The following NKAIN2 variants were observed in gnomAD, a reference collection of about 807,000 sequenced individuals.
NKAIN2 encodes sodium/potassium-transporting ATPase subunit beta-1-interacting protein 2.
Under a neutral mutation model 32.6 loss-of-function variants are expected in NKAIN2, and 14 were observed. The observed-to-expected ratio is 0.43, with a 90% CI of 0.28 to 0.67. The LOEUF (loss-of-function observed/expected upper bound fraction) is 0.67, where lower values mean the gene tolerates loss of function less well. NKAIN2 is among the 30% of genes least tolerant of loss of function. The pLI is 0.17. For synonymous variants in NKAIN2, 80 were observed against 87.2 expected, an observed-to-expected ratio of 0.92 and a Z score of 0.46; for missense variants, 198 against 258.3, an observed-to-expected ratio of 0.77 and a Z score of 1.60.
chr6:124,362,681 A>G (rs1267279213), intron 3 of NKAIN2, among the ~76,000 whole-genome samples: 1 of 152,120 alleles, frequency 6.6e-6, no homozygotes, highest in African/African-American at 2.4e-5. Flanking sequence ...TGTCAGGTCA[A>G]TTCTATTGTC....
intron 3 of NKAIN2, among the ~76,000 whole-genome samples, chr6:124,651,863 T>C (rs1429065036): frequency 3.3e-5 from 5 of 152,178 alleles, no homozygotes; most frequent in Non-Finnish European, 7.4e-5. Flanking sequence ...GTCTTTCTTC[T>C]AGCCATACTG....
chr6:124,394,368 G>C (rs1168332124), intron 3 of NKAIN2, among the ~76,000 whole-genome samples: 2 of 151,748 alleles, frequency 1.3e-5, no homozygotes, highest in African/African-American at 4.8e-5. Context: ...AATACTATAG[G>C]ATCAAAAAGA....
intron 1 of NKAIN2, among the ~76,000 whole-genome samples, chr6:123,811,072 G>T (rs556818503): frequency 6.6e-6 from 1 of 152,134 alleles, no homozygotes; most frequent in African/African-American, 2.4e-5. Context: ...CCTAGAATAT[G>T]TGTCTTCACC....
At chr6:124,631,443 A>AAATT (rs1415675761) in intron 3 of NKAIN2, among the ~76,000 whole-genome samples, 5 of 152,308 alleles carry the variant, frequency 3.3e-5, no homozygotes, top group South Asian at 2.1e-4. Flanking sequence ...GGCAACAAAA[A>AAATT]AATTATATAA....
At chr6:124,651,553 C>T (rs148213719) in intron 3 of NKAIN2, among the ~76,000 whole-genome samples, 207 of 152,268 alleles carry the variant, frequency 1.4e-3, no homozygotes, top group African/African-American at 4.8e-3. Flanking sequence ...CACATAAATG[C>T]CTCAAGGCTT....
chr6:123,889,090 G>A (rs2114364197), intron 1 of NKAIN2, among the ~76,000 whole-genome samples: 1 of 152,234 alleles, frequency 6.6e-6, no homozygotes, highest in Non-Finnish European at 1.5e-5. Context: ...TGCTTTCTGA[G>A]TGCCTTGAAA....
intron 3 of NKAIN2, among the ~76,000 whole-genome samples, chr6:124,498,561 A>T (rs961338799): frequency 2.6e-5 from 4 of 152,202 alleles, no homozygotes; most frequent in Non-Finnish European, 5.9e-5. Context: ...CAGCTAGATT[A>T]TGACAGAACC....
intron 3 of NKAIN2, among the ~76,000 whole-genome samples, chr6:124,614,645 T>G (rs1782815117): frequency 6.6e-6 from 1 of 152,104 alleles, no homozygotes; most frequent in African/African-American, 2.4e-5. Flanking sequence ...CTTTATTCAC[T>G]CCTCACTCTA....
At chr6:124,205,426 C>T (rs1372946462) in intron 1 of NKAIN2, among the ~76,000 whole-genome samples, 2 of 151,630 alleles carry the variant, frequency 1.3e-5, no homozygotes, top group African/African-American at 4.8e-5. Context: ...CTTATCTTTA[C>T]CTGTCTTCCT....
At chr6:123,952,409 AT>A (rs1777370764) in intron 1 of NKAIN2, among the ~76,000 whole-genome samples, 1 of 152,042 alleles carries the variant, frequency 6.6e-6, no homozygotes, top group Non-Finnish European at 1.5e-5. Context: ...GATCTCTGAG[AT>A]TCTTATATGT....
chr6:124,702,747 C>T (rs2114573745), intron 4 of NKAIN2, among the ~76,000 whole-genome samples: 1 of 152,156 alleles, frequency 6.6e-6, no homozygotes, highest in Non-Finnish European at 1.5e-5. Flanking sequence ...ACTGCCAGCA[C>T]AAATGCCCTG....
chr6:124,141,163 G>T (rs1787118519), intron 1 of NKAIN2, among the ~76,000 whole-genome samples: 1 of 152,122 alleles, frequency 6.6e-6, no homozygotes, highest in Admixed American at 6.5e-5. Context: ...GGAAGCAATT[G>T]TGCGTATTGA....
intron 1 of NKAIN2, among the ~76,000 whole-genome samples, chr6:124,228,585 C>A (rs929794975): frequency 2.0e-5 from 3 of 152,140 alleles, no homozygotes; most frequent in African/African-American, 7.2e-5. Flanking sequence ...TAGTCCATAG[C>A]AAGACCTAAA....
In NKAIN2 at chr6:124,295,126, C is replaced by T. The variant is rs551738340; in HGVS notation, c.192+11984C>T. ...TGAGATGTCTTATTTTAATTCTCTT[C>T]TTGTTTTGAAAGGTTAGTGTTTGAT... On this transcript the variant is annotated intron_variant, in intron 2 of 6. Coordinates refer to ENST00000368417, the MANE Select transcript of NKAIN2 (RefSeq NM_001040214.3). Among the ~76,000 whole-genome samples, 34 of 152,192 alleles carry T rather than the reference C, an allele frequency of 2.2e-4. No individual in the cohort carries two copies. In the South Asian group the frequency reaches 5.0e-3, roughly 22 times the overall value.
intron 3 of NKAIN2, among the ~76,000 whole-genome samples, chr6:124,505,811 TTAATTGAGTGCCTGCCCCCAA>T (rs1263735846): frequency 6.6e-6 from 1 of 152,042 alleles, no homozygotes; most frequent in East Asian, 1.9e-4. Flanking sequence ...AGAGTGTCCT[TTAATTGAGTGCCTGCCCCCAA>T]CAGGCAACAC....
intron 1 of NKAIN2, among the ~76,000 whole-genome samples, chr6:124,082,697 G>C (rs532430359): frequency 2.0e-5 from 3 of 151,840 alleles, no homozygotes; most frequent in East Asian, 3.9e-4. Context: ...CAAATTTTTA[G>C]AAACTAAATG....
chr6:124,655,897 G>A (rs1784521856), intron 3 of NKAIN2, among the ~76,000 whole-genome samples: 1 of 152,016 alleles, frequency 6.6e-6, no homozygotes, highest in Admixed American at 6.6e-5. Flanking sequence ...TTGACTTCCT[G>A]TGAGAGAGGG....
chr6:124,530,438 G>A (rs1779479176), intron 3 of NKAIN2, among the ~76,000 whole-genome samples: 1 of 152,174 alleles, frequency 6.6e-6, no homozygotes, highest in Admixed American at 6.5e-5. Flanking sequence ...CTGTCTCAGG[G>A]TGGCAGAGGC....
intron 5 of NKAIN2, among the ~76,000 whole-genome samples, chr6:124,806,619 T>A (rs1049746566): frequency 2.0e-5 from 3 of 150,712 alleles, no homozygotes; most frequent in Non-Finnish European, 3.0e-5. Context: ...TAATGACAGG[T>A]TCAAATTCAC....
Sources: allele counts gnomAD v4.1 joint callset (sites outside exome capture counted in the v4.1 genomes callset), GRCh38; gene constraint gnomAD v4.1.1; transcripts MANE v1.5; gene names NCBI Gene and HGNC (gene_info 2026-07-23, HGNC 2026-07-21).